The following TEX14 variants were observed in gnomAD, a reference collection of about 807,000 sequenced individuals.
The protein encoded by TEX14 is inactive serine/threonine-protein kinase TEX14.
A neutral mutation model predicts 178.6 loss-of-function variants in TEX14; 168 were observed. The observed-to-expected ratio is 0.94, with a 90% CI of 0.83 to 1.07. TEX14 has a LOEUF of 1.07. TEX14 is among the 50% of genes least tolerant of loss of function. TEX14 has a pLI of 0.00. For missense variants in TEX14, 1,730 were observed against 1,753.6 expected (o/e 0.99, Z 0.24); for synonymous variants, 626 against 634.1 (o/e 0.99, Z 0.19).
Position 58,616,258 on chromosome 17 carries a change from C to G in TEX14, c.684G>C (p.Pro228=). The G allele has an allele frequency of 6.2e-7, 1 of 1,613,800 alleles. No individual in the cohort carries two copies. The highest frequency in any genetic ancestry group is 1.1e-5 in the South Asian group (1 of 91,042). The change falls in exon 7 of 32, where the codon CCG becomes CCC. Residue 228 remains proline, a synonymous_variant. Coordinates refer to ENST00000349033, the MANE Select transcript of TEX14 (RefSeq NM_031272.5). ...GAATCACTTCCTTTTCTCCAATGAC[C>G]GGAAGAGATCCTAGATAGGCCATCT... ...ATQMAYLGSL[P]VIGEKEVIQA...
rs1179611310 is a variant in TEX14, at chr17:58,569,466, C to T, written c.3818-206G>A. Among the ~76,000 whole-genome samples, 3 of 152,130 alleles carry T rather than the reference C, an allele frequency of 2.0e-5. No individual in the cohort carries two copies. The highest frequency in any genetic ancestry group is 7.2e-5 in the African/African-American group (3 of 41,434). Reference sequence around the variant, plus strand: ...TTTACTCCCCACTTCTACCCCAATCCCTTTCCTTTCCTACATCAGCCCTTA... The same window carrying T: ...TTTACTCCCCACTTCTACCCCAATCTCTTTCCTTTCCTACATCAGCCCTTA... On this transcript the variant is annotated intron_variant, in intron 25 of 31. Transcript: ENST00000349033. This position sits in a 1 kb window ranked among gnomAD's most constrained non-coding sequence, Gnocchi z 4.1.
rs1035221108 is a variant in TEX14, at chr17:58,573,217, GGTTT to G, written c.3471_3474del (p.Asn1158MetfsTer55). On this transcript the variant is annotated frameshift_variant, in exon 23 of 32. Coordinates refer to ENST00000349033, the MANE Select transcript of TEX14 (RefSeq NM_031272.5). LOFTEE classifies it high-confidence loss of function. ...GGAGTGCTGACACTGGTAGGTGCAT[GGTTT>G]ATTTTGGGTGTTTTGCATGAAGCTT... 4.5e-5 allele frequency: 72 copies of G among 1,613,982 alleles called. No individual in the cohort carries two copies. The highest frequency in any genetic ancestry group is 5.9e-5 in the Non-Finnish European group (70 of 1,179,996).
intron 7 of TEX14, 105 bp downstream of exon 7, chr17:58,616,070 G>A (rs1598388888): frequency 7.8e-7 from 1 of 1,277,814 alleles, no homozygotes; most frequent in Admixed American, 2.3e-5. Context: ...GTTCTTAGGT[G>A]TTCCCTGTGT....
At chr17:58,648,121 A>AG (rs1205603137) in intron 2 of TEX14, 1 of 152,182 alleles carries the variant, frequency 6.6e-6, no homozygotes, top group Non-Finnish European at 1.5e-5. Context: ...AGCTGAGGCA[A>AG]GGGGGAGAAC....
intron 1 of TEX14, chr17:58,661,727 G>T: frequency 3.5e-6 from 2 of 573,352 alleles, no homozygotes; most frequent in Non-Finnish European, 6.1e-6. Context: ...AGGCGGTGGC[G>T]TTGGGGGCGG....
At chr17:58,571,235 CTT>C (rs11456555) in intron 24 of TEX14, among the ~76,000 whole-genome samples, 15 of 127,216 alleles carry the variant, frequency 1.2e-4, no homozygotes, top group Non-Finnish European at 1.3e-4. Flanking sequence ...CTTTTCTTTT[CTT>C]TTTTTTTTTT....
intron 1 of TEX14, among the ~76,000 whole-genome samples, chr17:58,682,262 C>CTT (rs36042986): frequency 3.5e-4 from 50 of 141,976 alleles, no homozygotes; most frequent in South Asian, 6.8e-4. Context: ...CAGAGTCTTT[C>CTT]TTTTTTTTTT....
Position 58,561,602 on chromosome 17 carries a change from T to C in TEX14, c.4075A>G (p.Thr1359Ala). The change falls in exon 29 of 32, where the codon ACT (threonine) becomes GCT (alanine). Residue 1359 changes from threonine to alanine, a missense_variant. This residue lies in a region of TEX14 where 941 missense variants were observed against 1,072.4 expected (regional missense o/e 0.88). Transcript: ENST00000349033. The part of the protein sequence containing the change: ...LGEDTERAHS[T>A]LDEDLERWLQ... ...CATCTTTCCAGGTCCTCATCCAGAG[T>C]AGAGTGAGCTCTGTTTAAGGACAAG... 6.2e-7 allele frequency: 1 copy of C among 1,612,112 alleles called. No individual in the cohort carries two copies. Among genetic ancestry groups the C allele is most frequent in the Non-Finnish European group, 8.5e-7 (1 of 1,178,280 alleles).
chr17:58,561,681 A>C, intron 28 of TEX14, 69 bp from the exon 29 acceptor site: 1 of 1,045,840 alleles, frequency 9.6e-7, no homozygotes, highest in East Asian at 2.4e-5. Flanking sequence ...AAGATGCATA[A>C]CACTTTAGAG....
Position 58,659,117 on chromosome 17 carries a change from A to C in TEX14, c.-1-7115T>G, listed in dbSNP as rs778037608. Among the ~76,000 whole-genome samples, 113 of 150,440 alleles carry C rather than the reference A, an allele frequency of 7.5e-4. 1 individual carries two copies. The highest frequency in any genetic ancestry group is 1.4e-3 in the Non-Finnish European group (93 of 67,776). Reference sequence around the variant, plus strand: ...TGAAAATAAACACACGCAACAACACACAAGCCGTCTTTTAAACTAGTTCAA... The same window carrying C: ...TGAAAATAAACACACGCAACAACACCCAAGCCGTCTTTTAAACTAGTTCAA... On this transcript the variant is annotated intron_variant, in intron 1 of 31. Transcript: ENST00000349033.
chr17:58,620,694 C>T (rs2045978358), intron 5 of TEX14, among the ~76,000 whole-genome samples: 1 of 152,054 alleles, frequency 6.6e-6, no homozygotes, highest in Non-Finnish European at 1.5e-5. Flanking sequence ...GGGGTTTCAC[C>T]ATGTTGGCCA....
chr17:58,662,213 G>T (rs1401714195), intron 1 of TEX14, among the ~76,000 whole-genome samples: 3 of 151,326 alleles, frequency 2.0e-5, no homozygotes, highest in Non-Finnish European at 1.5e-5. Flanking sequence ...CACTTTGGGA[G>T]GCCGAGGTGG....
intron 1 of TEX14, among the ~76,000 whole-genome samples, chr17:58,670,546 G>T (rs749078274): frequency 2.0e-5 from 3 of 151,828 alleles, no homozygotes; most frequent in Admixed American, 6.6e-5. Flanking sequence ...GGCTGAAGTG[G>T]GTAGATCACT....
At position 58,655,312 on chromosome 17, in the gene TEX14, T is replaced by C. The variant is rs527837417; in HGVS notation, c.-1-3310A>G. 1.3e-4 allele frequency among the ~76,000 whole-genome samples: 20 copies of C among 151,990 alleles called. 1 individual carries two copies. In the South Asian group the frequency reaches 2.1e-3, roughly 16 times the overall value. ...GATTCTCCTGCCTCAGCCTCCCGAG[T>C]AGCTAGGCCTACAGGCACGCACCAC... On this transcript the variant is annotated intron_variant, in intron 1 of 31. Transcript: ENST00000349033.
At chr17:58,638,780 T>G (rs978026053) in intron 2 of TEX14, among the ~76,000 whole-genome samples, 12 of 151,618 alleles carry the variant, frequency 7.9e-5, no homozygotes, top group Non-Finnish European at 1.8e-4. Context: ...CCTCAGGTGA[T>G]CCTCCTGCCC....
At chr17:58,669,898 A>G (rs1162316053) in intron 1 of TEX14, among the ~76,000 whole-genome samples, 2 of 152,276 alleles carry the variant, frequency 1.3e-5, no homozygotes, top group East Asian at 3.9e-4. Flanking sequence ...AATACTCCTT[A>G]CTGCCCTCTG....
In TEX14 at chr17:58,561,539, G is replaced by C; in HGVS notation, c.4138C>G (p.Leu1380Val). Reference protein sequence around the residue: ...PPEESVELQDLPKGSERETNI... With the variant: ...PPEESVELQDVPKGSERETNI... Reference sequence around the variant, plus strand: ...AATAACCTTTCAGAGCCCTTGGGAAGGTCTTGTAGCTCCACGCTCTCCTCA... The same window carrying C: ...AATAACCTTTCAGAGCCCTTGGGAACGTCTTGTAGCTCCACGCTCTCCTCA... Residue 1380 changes from leucine to valine, a missense_variant, in exon 29 of 32, where the codon CTT becomes GTT. Leu to Val is a conservative substitution (Grantham distance 32). Around this residue, in one of 2 missense-constraint regions of TEX14, gnomAD observed 941 missense variants for 1,072.4 expected, o/e 0.88. Coordinates refer to ENST00000349033, the MANE Select transcript of TEX14 (RefSeq NM_031272.5). The C allele has an allele frequency of 6.2e-7, 1 of 1,613,234 alleles. No individual in the cohort carries two copies. Among genetic ancestry groups the C allele is most frequent in the Non-Finnish European group, 8.5e-7 (1 of 1,179,168 alleles).
intron 15 of TEX14, among the ~76,000 whole-genome samples, chr17:58,592,287 T>C (rs928161269): frequency 1.3e-5 from 2 of 151,692 alleles, no homozygotes; most frequent in Non-Finnish European, 2.9e-5. Flanking sequence ...TGGAGTGCAG[T>C]GGTGCCATCT....
intron 19 of TEX14, 34 bp from the exon 20 acceptor site, chr17:58,579,765 G>A: frequency 1.3e-6 from 2 of 1,540,746 alleles, no homozygotes; most frequent in African/African-American, 1.4e-5. Context: ...AAAGAAAGGA[G>A]GTTCACTGGA....
Sources: gnomAD v4.1 joint callset for allele counts (sites outside exome capture counted in the v4.1 genomes callset) on GRCh38, gnomAD v4.1.1 for gene constraint, gnomAD v4.1.1 regional missense constraint, Gnocchi (gnomAD v3.1) non-coding constraint, MANE v1.5 for transcripts, NCBI Gene and HGNC (gene_info 2026-07-23, HGNC 2026-07-21) for gene names.